NRXN3: variants seen among roughly 807,000 people sequenced by gnomAD.
NRXN3 encodes neurexin III.
Under a neutral mutation model 137.6 loss-of-function variants are expected in NRXN3, and 32 were observed. That is an observed-to-expected ratio of 0.23 (90% CI 0.18 to 0.31). The LOEUF is 0.31. Ranked by LOEUF, NRXN3 falls within the 10% of genes least tolerant of loss-of-function variation. The pLI is 1.00. For missense variants in NRXN3, 1,574 were observed against 2,062.5 expected (o/e 0.76, Z 4.59); for synonymous variants, 798 against 784.5 (o/e 1.02, Z -0.29).
At chr14:78,943,438 T>G (rs74069232) in intron 10 of NRXN3, among the ~76,000 whole-genome samples, 7,653 of 150,226 alleles carry the variant, frequency 0.051, 358 homozygotes, top group African/African-American at 0.12. Context: ...CTGTGAAGTC[T>G]GGGGGGAGAA....
chr14:78,660,253 T>TTATA (rs373491178), intron 6 of NRXN3, among the ~76,000 whole-genome samples: 10,188 of 139,612 alleles, frequency 0.073, 658 homozygotes, highest in African/African-American at 0.16. Flanking sequence ...AGAAGTAGAT[T>TTATA]TATATATATA....
chr14:78,796,470 G>A (rs2098822171), intron 8 of NRXN3, among the ~76,000 whole-genome samples: 1 of 152,158 alleles, frequency 6.6e-6, no homozygotes, highest in Admixed American at 6.5e-5. Flanking sequence ...TCATGGCTAA[G>A]GGTTTTCTTA....
chr14:79,544,962 G>C (rs543657374), intron 16 of NRXN3, among the ~76,000 whole-genome samples: 1 of 152,292 alleles, frequency 6.6e-6, no homozygotes, highest in African/African-American at 2.4e-5. Flanking sequence ...TTGAGGTCTA[G>C]AGATGTTCAT....
chr14:78,183,308 A>C (rs562931242), intron 1 of NRXN3, among the ~76,000 whole-genome samples: 10 of 151,982 alleles, frequency 6.6e-5, no homozygotes, highest in Non-Finnish European at 1.2e-4. Flanking sequence ...CTAATTAGTG[A>C]GATGCTTGTT....
At chr14:78,628,146 C>T (rs1490303672) in intron 4 of NRXN3, among the ~76,000 whole-genome samples, 1 of 151,136 alleles carries the variant, frequency 6.6e-6, no homozygotes, top group Non-Finnish European at 1.5e-5. Context: ...GATCATGACT[C>T]ACTGCAGCCT....
At chr14:78,888,812 G>T (rs953309798) in intron 10 of NRXN3, among the ~76,000 whole-genome samples, 5 of 142,172 alleles carry the variant, frequency 3.5e-5, no homozygotes, top group Admixed American at 3.4e-4. Flanking sequence ...ATACCTGTGG[G>T]GACTTACAGT....
At chr14:78,619,456 G>A (rs1411584765) in intron 4 of NRXN3, among the ~76,000 whole-genome samples, 1 of 152,074 alleles carries the variant, frequency 6.6e-6, no homozygotes, top group Non-Finnish European at 1.5e-5. Context: ...TATAAGAAGA[G>A]TGCTCGATAT....
chr14:79,832,680 T>C (rs1386928730), intron 20 of NRXN3, among the ~76,000 whole-genome samples: 1 of 151,884 alleles, frequency 6.6e-6, no homozygotes, highest in East Asian at 1.9e-4. Context: ...GGTTGAAAAA[T>C]GTCACTTTAA....
At position 78,651,287 on chromosome 14, in the gene NRXN3, C is replaced by T; in HGVS notation, c.1182C>T (p.Gly394=). The change falls in exon 6 of 21, where the codon GGC becomes GGT. Residue 394 remains glycine (G), a synonymous_variant. Coordinates refer to ENST00000335750, the MANE Select transcript of NRXN3 (RefSeq NM_001330195.2). ...GGSPSTADLP[G]SPVSNNFMGC... ...GCCCAAGTACCGCTGACTTGCCTGG[C>T]TCCCCTGTCAGCAACAACTTCATGG... 1 of 1,614,068 alleles carries T rather than the reference C, an allele frequency of 6.2e-7. No individual in the cohort carries two copies. Among genetic ancestry groups the T allele is most frequent in the South Asian group, 1.1e-5 (1 of 91,076 alleles).
intron 15 of NRXN3, among the ~76,000 whole-genome samples, chr14:79,115,845 C>T (rs1393362243): frequency 1.3e-5 from 2 of 152,186 alleles, no homozygotes; most frequent in Non-Finnish European, 2.9e-5. Flanking sequence ...TACTGGTACT[C>T]ATAGTAAATC....
At chr14:79,028,448 C>G (rs373567141) in intron 15 of NRXN3, among the ~76,000 whole-genome samples, 16 of 152,210 alleles carry the variant, frequency 1.1e-4, no homozygotes, top group Admixed American at 2.0e-4. Context: ...CACCCTCTAC[C>G]CAAGTTGCCC....
chr14:79,512,303 C>T (rs1468121504), intron 16 of NRXN3, among the ~76,000 whole-genome samples: 1 of 152,092 alleles, frequency 6.6e-6, no homozygotes, highest in East Asian at 1.9e-4. Context: ...TATGCCTCAT[C>T]TTGGGGAAAA....
intron 15 of NRXN3, among the ~76,000 whole-genome samples, chr14:79,387,058 T>C (rs1314567686): frequency 6.6e-6 from 1 of 152,000 alleles, no homozygotes; most frequent in Non-Finnish European, 1.5e-5. Context: ...ACTTCATGTC[T>C]AAAACACCAA....
chr14:79,597,169 G>T (rs1405888566), intron 16 of NRXN3, among the ~76,000 whole-genome samples: 1 of 152,170 alleles, frequency 6.6e-6, no homozygotes, highest in African/African-American at 2.4e-5. Flanking sequence ...TGAGAAGAAA[G>T]AATACTTTAA....
chr14:78,191,333 G>A (rs2060708433), intron 1 of NRXN3, among the ~76,000 whole-genome samples: 2 of 152,142 alleles, frequency 1.3e-5, no homozygotes. Flanking sequence ...GGCTGAGAGA[G>A]GTTTTATGGC....
chr14:79,655,143 G>A (rs892119166), intron 16 of NRXN3, among the ~76,000 whole-genome samples: 2 of 152,174 alleles, frequency 1.3e-5, no homozygotes, highest in Admixed American at 1.3e-4. Context: ...AACTAATTTA[G>A]AGTTGGGACT....
At chr14:79,076,770 T>C (rs1266723640) in intron 15 of NRXN3, among the ~76,000 whole-genome samples, 3 of 152,166 alleles carry the variant, frequency 2.0e-5, no homozygotes, top group Admixed American at 2.0e-4. Flanking sequence ...TAGACTGCCT[T>C]ACACAGGTGT....
At chr14:78,681,841 G>A (rs1322077113) in intron 6 of NRXN3, among the ~76,000 whole-genome samples, 5 of 151,998 alleles carry the variant, frequency 3.3e-5, no homozygotes, top group Admixed American at 6.6e-5. Flanking sequence ...TCCTCATTGC[G>A]TGATTGATAC....
intron 16 of NRXN3, among the ~76,000 whole-genome samples, chr14:79,481,619 C>T (rs2096609225): frequency 6.6e-6 from 1 of 152,176 alleles, no homozygotes; most frequent in Non-Finnish European, 1.5e-5. Flanking sequence ...GGGAATGTAA[C>T]AACCCAGTGG....
Sources: gnomAD v4.1 joint callset for allele counts (sites outside exome capture counted in the v4.1 genomes callset) on GRCh38, gnomAD v4.1.1 for gene constraint, MANE v1.5 for transcripts, NCBI Gene and HGNC (gene_info 2026-07-23, HGNC 2026-07-21) for gene names.